LRRTM4: variants seen among roughly 807,000 people sequenced by gnomAD.
The protein encoded by LRRTM4 is leucine-rich repeat transmembrane neuronal protein 4.
LRRTM4 carries 25 observed loss-of-function variants against 47.6 expected under a neutral mutation model. The ratio of observed to expected loss-of-function variants is 0.53; its 90% CI spans 0.38 to 0.73. The LOEUF is 0.73. Ranked by LOEUF, LRRTM4 falls within the 30% of genes least tolerant of loss-of-function variation. LRRTM4 has a pLI of 0.00. For synonymous variants in LRRTM4, 311 were observed against 269.5 expected (o/e 1.15, Z -1.51); for missense variants, 638 against 713.4 (o/e 0.89, Z 1.20).
chr2:77,445,561 T>C (rs530776273), intron 3 of LRRTM4, among the ~76,000 whole-genome samples: 1 of 152,120 alleles, frequency 6.6e-6, no homozygotes, highest in African/African-American at 2.4e-5. Flanking sequence ...GGGGTGAAAG[T>C]GTAGCATAGC....
chr2:77,477,340 C>G (rs1208981472), intron 3 of LRRTM4, among the ~76,000 whole-genome samples: 1 of 152,110 alleles, frequency 6.6e-6, no homozygotes, highest in African/African-American at 2.4e-5. Context: ...CAGAAATACT[C>G]TCATGCTGGC....
chr2:77,502,419 G>T (rs543789611), intron 3 of LRRTM4, among the ~76,000 whole-genome samples: 1 of 151,172 alleles, frequency 6.6e-6, no homozygotes, highest in African/African-American at 2.4e-5. Context: ...ACTGTATACC[G>T]TAAAGTTAAT....
intron 3 of LRRTM4, among the ~76,000 whole-genome samples, chr2:77,190,395 A>G (rs963497026): frequency 1.3e-5 from 2 of 150,934 alleles, no homozygotes; most frequent in African/African-American, 4.9e-5. Flanking sequence ...TCCCAGTTCA[A>G]GCAATTCTCT....
chr2:77,191,871 T>G (rs1673677687), intron 3 of LRRTM4, among the ~76,000 whole-genome samples: 1 of 152,048 alleles, frequency 6.6e-6, no homozygotes, highest in African/African-American at 2.4e-5. Flanking sequence ...CTCTGCCACC[T>G]GGAACTATAA....
intron 3 of LRRTM4, among the ~76,000 whole-genome samples, chr2:76,819,359 C>T (rs917773724): frequency 1.3e-5 from 2 of 151,618 alleles, no homozygotes; most frequent in African/African-American, 2.4e-5. Context: ...ACGCATACTT[C>T]CCAAATCAGA....
At chr2:77,187,974 T>C (rs1418855893) in intron 3 of LRRTM4, among the ~76,000 whole-genome samples, 3 of 152,186 alleles carry the variant, frequency 2.0e-5, no homozygotes, top group Non-Finnish European at 4.4e-5. Context: ...TTGTTCTATA[T>C]TTTGTTATCT....
chr2:76,979,162 T>G (rs140332901), intron 3 of LRRTM4, among the ~76,000 whole-genome samples: 31 of 152,020 alleles, frequency 2.0e-4, no homozygotes, highest in Non-Finnish European at 4.4e-4. Context: ...CAGACATGCA[T>G]AGGATCACAT....
At chr2:76,776,311 C>T (rs1453941835) in intron 3 of LRRTM4, among the ~76,000 whole-genome samples, 16 of 152,050 alleles carry the variant, frequency 1.1e-4, no homozygotes, top group South Asian at 2.1e-4. Flanking sequence ...TTTCCAGTTC[C>T]AGATCCCTGA....
intron 3 of LRRTM4, among the ~76,000 whole-genome samples, chr2:76,834,171 G>T (rs921319137): frequency 2.6e-5 from 4 of 151,242 alleles, no homozygotes; most frequent in Non-Finnish European, 4.4e-5. Context: ...CTCCCTAATG[G>T]CTGGGATTAC....
intron 3 of LRRTM4, among the ~76,000 whole-genome samples, chr2:77,293,290 C>A (rs76573398): frequency 0.031 from 4,781 of 152,150 alleles, 254 homozygotes; most frequent in African/African-American, 0.11. Flanking sequence ...TATGCCAATA[C>A]AAACATACGT....
intron 3 of LRRTM4, among the ~76,000 whole-genome samples, chr2:77,171,338 G>A (rs2103834562): frequency 6.6e-6 from 1 of 152,142 alleles, no homozygotes; most frequent in South Asian, 2.1e-4. Flanking sequence ...GTGAAGTGGT[G>A]CAATCTCAGC....
rs2104004900 is a variant in LRRTM4 at position 76,860,125 on chromosome 2, T to C, written c.1552-111209A>G. The stretch of plus-strand genomic sequence containing the variant: ...AATAGGAGTACGTACAAGAGTTGAA[T>C]AGTATATGCCAAACATACAATATAT... On this transcript the variant is annotated intron_variant, in intron 3 of 3. Transcript: ENST00000409884. Among the ~76,000 whole-genome samples, 5 of 152,272 alleles carry C rather than the reference T, an allele frequency of 3.3e-5. No individual in the cohort carries two copies. The Middle Eastern group carries it at 0.014, about 414-fold the overall frequency.
chr2:77,172,234 A>G (rs1318363776), intron 3 of LRRTM4, among the ~76,000 whole-genome samples: 1 of 152,200 alleles, frequency 6.6e-6, no homozygotes, highest in African/African-American at 2.4e-5. Context: ...AAATGTTGGG[A>G]ATACATATTC....
chr2:77,112,605 T>A (rs1572973883), intron 3 of LRRTM4, among the ~76,000 whole-genome samples: 1 of 152,012 alleles, frequency 6.6e-6, no homozygotes, highest in East Asian at 1.9e-4. Flanking sequence ...AGGGATTTTT[T>A]TTTTTTACAG....
intron 3 of LRRTM4, among the ~76,000 whole-genome samples, chr2:77,229,649 G>A (rs190544456): frequency 6.6e-6 from 1 of 152,062 alleles, no homozygotes; most frequent in African/African-American, 2.4e-5. Flanking sequence ...GAATCCCACC[G>A]CTGCTCTCCA....
chr2:76,979,221 G>T (rs1394067448), intron 3 of LRRTM4, among the ~76,000 whole-genome samples: 2 of 151,952 alleles, frequency 1.3e-5, no homozygotes, highest in Admixed American at 1.3e-4. Flanking sequence ...GGTAATTTCA[G>T]GTCATTGGAA....
intron 3 of LRRTM4, among the ~76,000 whole-genome samples, chr2:77,288,799 C>T (rs954632863): frequency 2.6e-5 from 4 of 152,024 alleles, no homozygotes; most frequent in African/African-American, 7.2e-5. Flanking sequence ...ATTTCCCAGA[C>T]TTTCTTGCAA....
At chr2:76,891,180 C>T (rs1673241411) in intron 3 of LRRTM4, among the ~76,000 whole-genome samples, 1 of 151,850 alleles carries the variant, frequency 6.6e-6, no homozygotes, top group Non-Finnish European at 1.5e-5. Flanking sequence ...CCCTTCCCAA[C>T]ATTCTTCCTC....
At chr2:77,462,378 G>A (rs1184457365) in intron 3 of LRRTM4, among the ~76,000 whole-genome samples, 1 of 152,058 alleles carries the variant, frequency 6.6e-6, no homozygotes. Context: ...CCATCACATA[G>A]GAATTACTGT....
Sources: gnomAD v4.1 joint callset for allele counts (sites outside exome capture counted in the v4.1 genomes callset) on GRCh38, gnomAD v4.1.1 for gene constraint, MANE v1.5 for transcripts, NCBI Gene and HGNC (gene_info 2026-07-23, HGNC 2026-07-21) for gene names.